Variants in TMEM132B observed in about 807,000 individuals in gnomAD.
TMEM132B encodes transmembrane protein 132B.
TMEM132B carries 18 observed loss-of-function variants against 90.8 expected under a neutral mutation model. The observed-to-expected ratio is 0.20, with a 90% CI of 0.14 to 0.29. The LOEUF (loss-of-function observed/expected upper bound fraction) is 0.29, where lower values mean the gene tolerates loss of function less well. TMEM132B is among the 10% of genes least tolerant of loss of function. The probability of loss-of-function intolerance (pLI) is 1.00; values close to 1 mark genes in which losing one functional copy is unlikely to be tolerated. For synonymous variants in TMEM132B, 504 were observed against 523.3 expected, an observed-to-expected ratio of 0.96 and a Z score of 0.50; for missense variants, 1,096 against 1,326.8, an observed-to-expected ratio of 0.83 and a Z score of 2.70.
chr12:125,538,375 A>G (rs1004285584), intron 4 of TMEM132B, among the ~76,000 whole-genome samples: 10 of 152,206 alleles, frequency 6.6e-5, no homozygotes, highest in Non-Finnish European at 7.3e-5. Flanking sequence ...TTGGGCGGCC[A>G]TCACCAATTT....
intron 3 of TMEM132B, among the ~76,000 whole-genome samples, chr12:125,482,481 G>A (rs1882073620): frequency 6.6e-6 from 1 of 152,220 alleles, no homozygotes; most frequent in Non-Finnish European, 1.5e-5. Flanking sequence ...AGACATTTAT[G>A]TAGCCAACAG....
intron 5 of TMEM132B, among the ~76,000 whole-genome samples, chr12:125,604,503 C>A (rs1387818893): frequency 6.6e-6 from 1 of 152,068 alleles, no homozygotes; most frequent in East Asian, 1.9e-4. Flanking sequence ...GCATGCAGGG[C>A]TTAAAACCTA....
rs182663396 is a variant in TMEM132B, at chr12:125,371,788, A to T, written c.959+21445A>T. Among the ~76,000 whole-genome samples, 15 of 152,342 alleles carry T rather than the reference A, an allele frequency of 9.8e-5. No homozygotes were observed. The East Asian group carries it at 1.9e-3, about 20-fold the overall frequency. On this transcript the variant is annotated intron_variant, in intron 2 of 8. Coordinates refer to ENST00000682704, the MANE Select transcript of TMEM132B (RefSeq NM_001366854.1). ...GGGACAGTATTAGCACTAATCAGAG[A>T]TGCAAGCTGCACTTTGTGATCTTTT...
chr12:125,624,347 C>T (rs967211852), intron 5 of TMEM132B, among the ~76,000 whole-genome samples: 3 of 152,148 alleles, frequency 2.0e-5, no homozygotes, highest in African/African-American at 7.2e-5. Context: ...TCCTGGACAG[C>T]CCACTTCATC....
chr12:125,479,813 C>G (rs965923004), intron 3 of TMEM132B, among the ~76,000 whole-genome samples: 3 of 152,214 alleles, frequency 2.0e-5, no homozygotes, highest in Non-Finnish European at 4.4e-5. Flanking sequence ...ACATTCTTCT[C>G]AGCACCACAT....
At chr12:125,288,968 G>A (rs1481757780) in intron 1 of TMEM132B, among the ~76,000 whole-genome samples, 1 of 152,200 alleles carries the variant, frequency 6.6e-6, no homozygotes, top group East Asian at 1.9e-4. Context: ...CCATGCAGAG[G>A]CAGCAGGGGA....
At chr12:125,534,955 A>G (rs1389768986) in intron 4 of TMEM132B, among the ~76,000 whole-genome samples, 2 of 152,240 alleles carry the variant, frequency 1.3e-5, no homozygotes, top group Admixed American at 1.3e-4. Context: ...GCACAGATAT[A>G]GAATCTTCTA....
intron 1 of TMEM132B, among the ~76,000 whole-genome samples, chr12:125,256,533 T>A (rs1360149961): frequency 1.3e-5 from 2 of 152,220 alleles, no homozygotes; most frequent in African/African-American, 4.8e-5. Context: ...TTACATATTA[T>A]CTGCAGCTGT....
chr12:125,615,119 T>G (rs1885955178), intron 5 of TMEM132B, among the ~76,000 whole-genome samples: 1 of 152,124 alleles, frequency 6.6e-6, no homozygotes, highest in East Asian at 1.9e-4. Flanking sequence ...GTCTTTGTCT[T>G]TCATAATTTT....
At chr12:125,604,434 CG>C (rs1885642030) in intron 5 of TMEM132B, among the ~76,000 whole-genome samples, 1 of 92,986 alleles carries the variant, frequency 1.1e-5, no homozygotes, top group Admixed American at 1.4e-4. Context: ...CAATACACAC[CG>C]GGGCCAGTTG....
intron 3 of TMEM132B, among the ~76,000 whole-genome samples, chr12:125,489,878 G>T (rs1882304291): frequency 6.6e-6 from 1 of 152,168 alleles, no homozygotes; most frequent in Non-Finnish European, 1.5e-5. Context: ...ATTCTCAGTT[G>T]GTTCTGGAAC....
Position 125,350,272 on chromosome 12 carries a change from C to T in TMEM132B, c.888C>T (p.Val296=). 3 of 1,613,948 alleles carry T rather than the reference C, an allele frequency of 1.9e-6. No individual in the cohort carries two copies. The highest frequency in any genetic ancestry group is 1.1e-5 in the South Asian group (1 of 91,066). ...TCATCTCGGTACCTCTGAATCTAGT[C>T]CGGGAAGGGGACACGGCCACCTTTT... is the stretch of plus-strand genomic sequence containing the variant. ...NVVISVPLNL[V]REGDTATFLV... is the part of the protein sequence containing the mutation. Residue 296 remains valine (V), a synonymous_variant, in exon 2 of 9, where the codon GTC becomes GTT. Transcript: ENST00000682704.
At chr12:125,537,102 C>A (rs1054239303) in intron 4 of TMEM132B, among the ~76,000 whole-genome samples, 1 of 152,120 alleles carries the variant, frequency 6.6e-6, no homozygotes, top group Non-Finnish European at 1.5e-5. Context: ...GATCCCAGGA[C>A]ACCACCATGA....
intron 4 of TMEM132B, among the ~76,000 whole-genome samples, chr12:125,533,937 T>C (rs139834419): frequency 6.6e-6 from 1 of 152,182 alleles, no homozygotes; most frequent in Non-Finnish European, 1.5e-5. Context: ...AAAATCAGAA[T>C]CTCAGCACCC....
chr12:125,442,001 C>T (rs576380289), intron 3 of TMEM132B, among the ~76,000 whole-genome samples: 42 of 152,298 alleles, frequency 2.8e-4, no homozygotes, highest in Admixed American at 2.1e-3. Flanking sequence ...ACCCAAAATA[C>T]ACCATTAGGG....
intron 3 of TMEM132B, among the ~76,000 whole-genome samples, chr12:125,418,617 A>G (rs935611339): frequency 6.6e-6 from 1 of 152,194 alleles, no homozygotes; most frequent in African/African-American, 2.4e-5. Flanking sequence ...ATCCCCAACA[A>G]AACACCCTGC....
At chr12:125,327,153 C>A (rs1876608100) in intron 1 of TMEM132B, among the ~76,000 whole-genome samples, 1 of 152,160 alleles carries the variant, frequency 6.6e-6, no homozygotes, top group Admixed American at 6.5e-5. Flanking sequence ...CCACTTTTCC[C>A]AATGGCTTCT....
chr12:125,524,096 G>A (rs1883382392), intron 4 of TMEM132B, among the ~76,000 whole-genome samples: 1 of 152,210 alleles, frequency 6.6e-6, no homozygotes, highest in Admixed American at 6.5e-5. Flanking sequence ...CATTCTCCAC[G>A]TAGCCTCAGG....
chr12:125,190,424 AGGTGGTGATGGTGATGGGAAGG>A (rs1404597965), intron 1 of TMEM132B, among the ~76,000 whole-genome samples: 4 of 46,940 alleles, frequency 8.5e-5, no homozygotes, highest in Non-Finnish European at 1.7e-4. Context: ...TGATGGGAAG[AGGTGGTGATGGTGATGGGAAGG>A]GGTGGTGATG....
Sources: allele counts gnomAD v4.1 joint callset (sites outside exome capture counted in the v4.1 genomes callset), GRCh38; gene constraint gnomAD v4.1.1; transcripts MANE v1.5; gene names NCBI Gene and HGNC (gene_info 2026-07-23, HGNC 2026-07-21).